TNKS: variants seen among roughly 807,000 people sequenced by gnomAD.
TNKS encodes the protein poly [ADP-ribose] polymerase tankyrase-1.
A neutral mutation model predicts 135.8 loss-of-function variants in TNKS; 72 were observed. The ratio of observed to expected loss-of-function variants is 0.53; its 90% CI spans 0.44 to 0.64. TNKS has a LOEUF of 0.64. Among genes scored for constraint, TNKS ranks in the 30% least tolerant of loss-of-function variants. TNKS has a pLI of 0.00. For synonymous variants in TNKS, 849 were observed against 649.3 expected, an observed-to-expected ratio of 1.31 and a Z score of -4.68; for missense variants, 1,769 against 1,674.0, an observed-to-expected ratio of 1.06 and a Z score of -0.99.
At chr8:9,565,420 T>C (rs563364563) in intron 1 of TNKS, among the ~76,000 whole-genome samples, 11 of 152,342 alleles carry the variant, frequency 7.2e-5, no homozygotes, top group African/African-American at 2.6e-4. Flanking sequence ...TCTTCTTTGG[T>C]ATATTTTCTT....
chr8:9,592,949 A>G (rs1441728378), intron 2 of TNKS, among the ~76,000 whole-genome samples: 2 of 152,242 alleles, frequency 1.3e-5, no homozygotes, highest in African/African-American at 4.8e-5. Context: ...CCATTTGTCA[A>G]GTAACTGCTT....
intron 18 of TNKS, among the ~76,000 whole-genome samples, chr8:9,748,751 T>C (rs1392647127): frequency 1.3e-5 from 2 of 152,248 alleles, no homozygotes; most frequent in Non-Finnish European, 2.9e-5. Context: ...TATTGATTGC[T>C]GCGTAACAAA....
chr8:9,715,345 G>C (rs1304225516), intron 11 of TNKS, among the ~76,000 whole-genome samples: 2 of 122,544 alleles, frequency 1.6e-5, no homozygotes, highest in South Asian at 2.8e-4. Flanking sequence ...CAAGGAAAGA[G>C]GTTGTACTAG....
rs747887215 is a variant in TNKS at position 9,556,708 on chromosome 8, G to T, written c.673+96G>T. The T allele has an allele frequency of 4.9e-6, 7 of 1,440,066 alleles. 1 individual carries two copies. In the South Asian group the frequency reaches 8.2e-5, roughly 17 times the overall value. The allele number at this position is 1,440,066 out of a possible 1,614,324, so 89.2% of individuals were successfully genotyped here. On this transcript the variant is annotated intron_variant, in intron 1 of 26. Transcript: ENST00000310430. Reference sequence around the variant, plus strand: ...AGGTTATTGTGATGGGACAAAGTGGGGGCGTGGTTATGGTTCTTCATCACC... The same window carrying T: ...AGGTTATTGTGATGGGACAAAGTGGTGGCGTGGTTATGGTTCTTCATCACC...
Position 9,623,708 on chromosome 8 carries a change from A to G in TNKS, c.994+8031A>G, listed in dbSNP as rs115626759. On this transcript the variant is annotated intron_variant, in intron 3 of 26. Coordinates refer to ENST00000310430, the MANE Select transcript of TNKS (RefSeq NM_003747.3). ...GTTTATGGAGTGGGAGGGAATAGAA[A>G]CTAACTTTCTGGGCTGGGTGCTGTG... 2.2e-3 allele frequency among the ~76,000 whole-genome samples: 330 copies of G among 152,240 alleles called. 1 individual carries two copies. Among genetic ancestry groups the G allele is most frequent in the African/African-American group, 7.6e-3 (317 of 41,538 alleles).
rs568204635 is a variant in TNKS, at chr8:9,652,808, A to G, written c.995-27143A>G. 1.1e-4 allele frequency among the ~76,000 whole-genome samples: 17 copies of G among 152,284 alleles called. 2 individuals carry two copies. Among genetic ancestry groups the G allele is most frequent in the African/African-American group, 4.1e-4 (17 of 41,562 alleles). On this transcript the variant is annotated intron_variant, in intron 3 of 26. Coordinates refer to ENST00000310430, the MANE Select transcript of TNKS (RefSeq NM_003747.3). ...AAACATTGAGTGTTTTATTTCCATT[A>G]TCCCTGACCCTCAGAGCGACCACAG...
chr8:9,756,329 C>T (rs1452070111), intron 20 of TNKS, among the ~76,000 whole-genome samples: 1 of 152,034 alleles, frequency 6.6e-6, no homozygotes, highest in East Asian at 1.9e-4. Flanking sequence ...CTAGTTTTCT[C>T]TCCCCACCCA....
intron 21 of TNKS, among the ~76,000 whole-genome samples, chr8:9,762,209 C>T (rs888137045): frequency 6.7e-6 from 1 of 149,200 alleles, no homozygotes; most frequent in African/African-American, 2.5e-5. Context: ...AAGCCTCTTT[C>T]CCCTCTGTTT....
At chr8:9,749,408 C>T (rs1419774627) in intron 18 of TNKS, among the ~76,000 whole-genome samples, 1 of 152,024 alleles carries the variant, frequency 6.6e-6, no homozygotes, top group Non-Finnish European at 1.5e-5. Context: ...CTGATTAGGG[C>T]CCAGTTCTGC....
chr8:9,651,030 A>T (rs912209357), intron 3 of TNKS, among the ~76,000 whole-genome samples: 2 of 99,242 alleles, frequency 2.0e-5, no homozygotes, highest in Non-Finnish European at 4.1e-5. Context: ...CATTCTTTAC[A>T]TGTGCCTTGC....
At chr8:9,767,726 G>A (rs559774655) in intron 25 of TNKS, among the ~76,000 whole-genome samples, 20 of 152,146 alleles carry the variant, frequency 1.3e-4, no homozygotes, top group Admixed American at 4.6e-4. Context: ...TTGGGAGGCC[G>A]AGGCGGGCAG....
At position 9,780,559 on chromosome 8, in the gene TNKS, C is replaced by A. The variant is rs1482761055; in HGVS notation, c.*3823C>A. 2 of 152,206 alleles carry A rather than the reference C, an allele frequency of 1.3e-5. No individual in the cohort carries two copies. Among genetic ancestry groups the A allele is most frequent in the Admixed American group, 1.3e-4 (2 of 15,280 alleles). 9.4% of individuals were successfully genotyped at this position (152,206 alleles called of 1,614,324 possible). A position where few individuals can be genotyped will look rare whatever the true frequency, so the allele number is the denominator to read the frequency against. On this transcript the variant is annotated 3_prime_UTR_variant, in exon 27 of 27. Transcript: ENST00000310430. Reference sequence around the variant, plus strand: ...ATCTAGCATATGGAAAGCAAATGCACTCGAAAACTACTATTCTAGAACATG... The same window carrying A: ...ATCTAGCATATGGAAAGCAAATGCAATCGAAAACTACTATTCTAGAACATG...
intron 1 of TNKS, among the ~76,000 whole-genome samples, chr8:9,575,566 A>G (rs1230794019): frequency 6.6e-6 from 1 of 152,266 alleles, no homozygotes; most frequent in Non-Finnish European, 1.5e-5. Context: ...AAGAATTATA[A>G]TCTAGAAGAA....
intron 15 of TNKS, among the ~76,000 whole-genome samples, chr8:9,734,055 GA>G (rs1805572021): frequency 6.6e-6 from 1 of 151,406 alleles, no homozygotes. Context: ...TTTAACTACG[GA>G]AAAAAAATTG....
intron 3 of TNKS, among the ~76,000 whole-genome samples, chr8:9,679,575 T>G (rs1302734858): frequency 6.6e-6 from 1 of 152,196 alleles, no homozygotes; most frequent in Non-Finnish European, 1.5e-5. Context: ...TGCTTTTGTC[T>G]CAGAATGTAT....
At chr8:9,649,640 C>A (rs189684478) in intron 3 of TNKS, among the ~76,000 whole-genome samples, 1 of 151,772 alleles carries the variant, frequency 6.6e-6, no homozygotes, top group South Asian at 2.1e-4. Flanking sequence ...CCCTTCCCCC[C>A]AAGTCCCCAA....
intron 25 of TNKS, among the ~76,000 whole-genome samples, chr8:9,769,659 G>A (rs534216781): frequency 2.4e-4 from 28 of 119,104 alleles, no homozygotes; most frequent in East Asian, 8.0e-4. Context: ...TCGCTCTGTC[G>A]CCCAGCCTGG....
chr8:9,718,742 G>A lies in TNKS; in HGVS notation c.1750-1632G>A, dbSNP rs190579756. Among the ~76,000 whole-genome samples the A allele has an allele frequency of 1.8e-3, 276 of 152,264 alleles. 3 individuals are homozygous for A. The highest frequency in any genetic ancestry group is 6.2e-3 in the African/African-American group (256 of 41,552). ...ATTATTCTGACTCCTGAATGGATAG[G>A]TCAAGCCAGTCTTAAGCATTTAATT... On this transcript the variant is annotated intron_variant, in intron 11 of 26. Coordinates refer to ENST00000310430, the MANE Select transcript of TNKS (RefSeq NM_003747.3).
chr8:9,648,140 G>A lies in TNKS; in HGVS notation c.995-31811G>A, dbSNP rs572901563. Among the ~76,000 whole-genome samples, 13 of 152,242 alleles carry A rather than the reference G, an allele frequency of 8.5e-5. No individual in the cohort carries two copies. The South Asian group carries it at 2.1e-3, about 24-fold the overall frequency. The stretch of plus-strand genomic sequence containing the variant: ...CCGTGAGTGAGTGGTGAGAGAATGC[G>A]AAGGCCTAGAGCATTATTGTACACT... On this transcript the variant is annotated intron_variant, in intron 3 of 26. Transcript: ENST00000310430.
Sources: gnomAD v4.1 joint callset for allele counts (sites outside exome capture counted in the v4.1 genomes callset) on GRCh38, gnomAD v4.1.1 for gene constraint, MANE v1.5 for transcripts, NCBI Gene and HGNC (gene_info 2026-07-23, HGNC 2026-07-21) for gene names.